The following KCP variants were observed in gnomAD, a reference collection of about 807,000 sequenced individuals.
KCP encodes the protein kielin/chordin-like protein.
Under a neutral mutation model 212.7 loss-of-function variants are expected in KCP, and 194 were observed. That is an observed-to-expected ratio of 0.91 (90% CI 0.81 to 1.03). The LOEUF (loss-of-function observed/expected upper bound fraction) is 1.03. Ranked by LOEUF, KCP falls within the 50% of genes least tolerant of loss-of-function variation. The probability of loss-of-function intolerance (pLI) is 0.00; values close to 1 mark genes in which losing one functional copy is unlikely to be tolerated. For missense variants in KCP, 2,080 were observed against 2,162.5 expected (o/e 0.96, Z 0.76); for synonymous variants, 833 against 865.3 (o/e 0.96, Z 0.65).
intron 38 of KCP, 71 bp downstream of exon 38, chr7:128,878,487 G>C: frequency 6.9e-7 from 1 of 1,456,726 alleles, no homozygotes; most frequent in Non-Finnish European, 9.2e-7. Context: ...TTCCATGCCA[G>C]AGGGTTGCTC....
chr7:128,884,221 C>T, intron 28 of KCP, 99 bp from the exon 29 acceptor site: 1 of 1,420,338 alleles, frequency 7.0e-7, no homozygotes, highest in South Asian at 1.3e-5. Flanking sequence ...GCTGCAGCCT[C>T]TTCCGGGACA....
chr7:128,884,516 T>G (rs1299458725), intron 28 of KCP, among the ~76,000 whole-genome samples: 2 of 152,168 alleles, frequency 1.3e-5, no homozygotes, highest in African/African-American at 4.8e-5. Flanking sequence ...CAGGTGGCTC[T>G]CCGGCCATAC....
intron 8 of KCP, among the ~76,000 whole-genome samples, chr7:128,901,365 G>T (rs374024993): frequency 6.6e-6 from 1 of 152,158 alleles, no homozygotes; most frequent in East Asian, 1.9e-4. Context: ...GGTGGCTCAC[G>T]CCTGTAATCC....
chr7:128,903,774 C>T lies in KCP; in HGVS notation c.701G>A (p.Cys234Tyr). ...CCCAGGCCTCAGCACTGGCTCTGGG[C>T]AGGGGCTAGGCGGGCACTTCAGGGC... ...CMALKCPPSP[C>Y]PEPVLRPGHC... Residue 234 changes from cysteine to tyrosine, a missense_variant, in exon 7 of 40, where the codon TGC becomes TAC. Cys to Tyr is a radical substitution (Grantham distance 194). Transcript: ENST00000610776. 2 of 1,547,378 alleles carry T rather than the reference C, an allele frequency of 1.3e-6. No individual in the cohort carries two copies. Among genetic ancestry groups the T allele is most frequent in the Non-Finnish European group, 1.7e-6 (2 of 1,144,992 alleles).
At position 128,907,311 on chromosome 7, in the gene KCP, T is replaced by A; in HGVS notation, c.362A>T (p.Asp121Val). The A allele has an allele frequency of 6.5e-7, 1 of 1,540,452 alleles. No homozygotes were observed. Residue 121 changes from aspartate to valine, a missense_variant, in exon 3 of 40, where the codon GAT (aspartate) becomes GTT (valine). Asp to Val is a radical substitution (Grantham distance 152, BLOSUM62 -3). Coordinates refer to ENST00000610776, the MANE Select transcript of KCP (RefSeq NM_001366122.1). ...TTGGGGGCCACAGTGAGCGGCCCCA[T>A]CCTGGCAGACGCAGGCTGTGCAGGC... ...PDACTACVCQDGAAHCGPQAH... is the reference protein window; with the variant it reads ...PDACTACVCQVGAAHCGPQAH...
chr7:128,893,576 C>G, intron 11 of KCP, 100 bp from the exon 12 acceptor site: 1 of 1,063,726 alleles, frequency 9.4e-7, no homozygotes, highest in African/African-American at 1.6e-5. Flanking sequence ...CAAAGAAGAC[C>G]CAGCCGAGTT....
chr7:128,886,019 TG>T (rs1459998883), intron 26 of KCP, among the ~76,000 whole-genome samples: 1 of 152,030 alleles, frequency 6.6e-6, no homozygotes, highest in Non-Finnish European at 1.5e-5. Context: ...ATGATGATGG[TG>T]GTGATGATGA....
chr7:128,891,426 G>A lies in KCP; in HGVS notation c.1878+25C>T, dbSNP rs1179611519. The stretch of plus-strand genomic sequence containing the variant: ...AAGTCCCGCCTCCACTCCCCTGGGC[G>A]CCTCCCACCCAGGTGCAGACTCACC... On this transcript the variant is annotated intron_variant, in intron 18 of 39. Coordinates refer to ENST00000610776, the MANE Select transcript of KCP (RefSeq NM_001366122.1). The A allele has an allele frequency of 5.2e-6, 8 of 1,548,608 alleles. No homozygotes were observed. The Admixed American group carries it at 9.8e-5, about 19-fold the overall frequency.
intron 1 of KCP, among the ~76,000 whole-genome samples, chr7:128,909,588 T>TC (rs1156806723): frequency 2.6e-5 from 4 of 151,380 alleles, no homozygotes; most frequent in Non-Finnish European, 4.4e-5. Context: ...CCCTAATACA[T>TC]CCCCCCCTTC....
chr7:128,906,185 C>A, intron 5 of KCP, 94 bp downstream of exon 5: 2 of 1,080,358 alleles, frequency 1.9e-6, no homozygotes, highest in Non-Finnish European at 1.4e-6. Context: ...GTAGGCACCC[C>A]TGGGCATGTC....
chr7:128,878,323 G>T (rs1176012229), intron 38 of KCP, among the ~76,000 whole-genome samples: 1 of 152,118 alleles, frequency 6.6e-6, no homozygotes, highest in East Asian at 1.9e-4. Flanking sequence ...ATCCCAAAGT[G>T]CTGGGATTAT....
intron 7 of KCP, 47 bp downstream of exon 7, chr7:128,903,680 C>G: frequency 6.9e-7 from 1 of 1,443,110 alleles, no homozygotes. Flanking sequence ...AGAAATGGCA[C>G]GACAACCTAC....
rs1554420571 is a variant in KCP, at chr7:128,908,307, G to GAAAGAAAGT, written c.219+118_219+119insACTTTCTTT. ...GAAAGAAAGAAAGAAAGAAAGAAAG[G>GAAAGAAAGT]GAATTGTTCAGATAAGAGCTCTATT... is the stretch of plus-strand genomic sequence containing the variant. On this transcript the variant is annotated intron_variant, in intron 2 of 39. Coordinates refer to ENST00000610776, the MANE Select transcript of KCP (RefSeq NM_001366122.1). 79 of 396,988 alleles carry GAAAGAAAGT rather than the reference G, an allele frequency of 2.0e-4. No homozygotes were observed. In the African/African-American group the frequency reaches 2.4e-3, roughly 12 times the overall value. 24.6% of individuals were successfully genotyped at this position (396,988 alleles called of 1,614,324 possible).
At chr7:128,892,064 T>TA (rs1794184449) in intron 16 of KCP, among the ~76,000 whole-genome samples, 1 of 152,098 alleles carries the variant, frequency 6.6e-6, no homozygotes, top group Non-Finnish European at 1.5e-5. Context: ...GGGGAGTGCT[T>TA]ACACATGTGT....
At chr7:128,895,345 C>A (rs1482969582) in intron 8 of KCP, among the ~76,000 whole-genome samples, 1 of 152,190 alleles carries the variant, frequency 6.6e-6, no homozygotes, top group African/African-American at 2.4e-5. Flanking sequence ...GTGGCATCTA[C>A]CTCTAGAAGC....
At chr7:128,878,515 T>C in intron 38 of KCP, 43 bp downstream of exon 38, 1 of 1,523,968 alleles carries the variant, frequency 6.6e-7, no homozygotes, top group South Asian at 1.2e-5. Context: ...CATGCTCAGC[T>C]GCGTCTCCCC....
At position 128,878,707 on chromosome 7, in the gene KCP, G is replaced by A. The variant is rs1160456077; in HGVS notation, c.4162C>T (p.Gln1388Ter). Residue 1388 changes from glutamine to a stop codon, truncating the protein, a stop_gained, in exon 38 of 40, where the codon CAG becomes TAG. Transcript: ENST00000610776. LOFTEE classifies it high-confidence loss of function. ...GGTACGCTCACCTCCACCTGGGACT[G>A]CCCATCCCACAGCACCTGTGTGGAG... ...QPGLQVLWDGQSQVEVSVPGS... is the reference protein window; with the variant it reads ...QPGLQVLWDG The A allele has an allele frequency of 1.9e-6, 3 of 1,549,910 alleles. No individual in the cohort carries two copies. Among genetic ancestry groups the A allele is most frequent in the Non-Finnish European group, 2.6e-6 (3 of 1,146,892 alleles).
At position 128,907,185 on chromosome 7, in the gene KCP, G is replaced by A. The variant is rs946943834; in HGVS notation, c.410-8C>T. On this transcript the variant is annotated splice_region_variant and splice_polypyrimidine_tract_variant and intron_variant, in intron 3 of 39. Transcript: ENST00000610776. ...GGCCATTTTGGCTGCAGCCTAAGGA[G>A]ACAGCAGTGTCACTCAAGCACCCCA... 1 of 1,550,752 alleles carries A rather than the reference G, an allele frequency of 6.4e-7. No homozygotes were observed. Among genetic ancestry groups the A allele is most frequent in the Non-Finnish European group, 8.7e-7 (1 of 1,146,314 alleles).
chr7:128,904,430 CTT>C (rs916974424), intron 5 of KCP: 28 of 1,318,334 alleles, frequency 2.1e-5, no homozygotes, highest in African/African-American at 1.5e-4. Flanking sequence ...CATCCTCCCT[CTT>C]TCTCTCTCTC....
Sources: gnomAD v4.1 joint callset for allele counts (sites outside exome capture counted in the v4.1 genomes callset) on GRCh38, gnomAD v4.1.1 for gene constraint, MANE v1.5 for transcripts, NCBI Gene and HGNC (gene_info 2026-07-23, HGNC 2026-07-21) for gene names.